FARP1: variants seen among roughly 807,000 people sequenced by gnomAD.
The protein encoded by FARP1 is FERM, ARHGEF and pleckstrin domain-containing protein 1.
In FARP1, 52 loss-of-function variants were observed where a neutral mutation model predicts 128.8. The ratio of observed to expected loss-of-function variants is 0.40; its 90% CI spans 0.32 to 0.51. FARP1 has a LOEUF of 0.51. FARP1 is among the 20% of genes least tolerant of loss of function. The pLI, the probability that FARP1 is intolerant of heterozygous loss-of-function variation, is 0.45. For synonymous variants in FARP1, 580 were observed against 551.8 expected, an observed-to-expected ratio of 1.05 and a Z score of -0.72; for missense variants, 1,333 against 1,367.9, an observed-to-expected ratio of 0.97 and a Z score of 0.40.
intron 17 of FARP1, among the ~76,000 whole-genome samples, chr13:98,424,944 T>C (rs1891726472): frequency 6.6e-6 from 1 of 151,930 alleles, no homozygotes; most frequent in South Asian, 2.1e-4. Flanking sequence ...GTGTATTTCA[T>C]GTGTGACCCA....
intron 2 of FARP1, among the ~76,000 whole-genome samples, chr13:98,279,521 G>A (rs1033030912): frequency 6.6e-6 from 1 of 152,350 alleles, no homozygotes; most frequent in East Asian, 1.9e-4. Flanking sequence ...GTAGCCACTG[G>A]AAATGTGGTT....
intron 2 of FARP1, among the ~76,000 whole-genome samples, chr13:98,256,956 T>TGG (rs1566801075): frequency 3.5e-4 from 26 of 74,918 alleles, no homozygotes; most frequent in Non-Finnish European, 5.6e-4. Flanking sequence ...TGGATATATA[T>TGG]ATATATATAT....
chr13:98,254,945 C>CTT (rs11373975), intron 2 of FARP1, among the ~76,000 whole-genome samples: 26 of 150,212 alleles, frequency 1.7e-4, no homozygotes, highest in South Asian at 4.2e-4. Flanking sequence ...GCATCTTCCT[C>CTT]TTTTTTTTTT....
intron 2 of FARP1, among the ~76,000 whole-genome samples, chr13:98,288,823 G>A (rs1306283508): frequency 6.6e-6 from 1 of 151,942 alleles, no homozygotes; most frequent in African/African-American, 2.4e-5. Context: ...TGGCCTATGT[G>A]GTGTTTAAAT....
At chr13:98,434,680 T>G (rs572340606) in intron 18 of FARP1, 1 of 152,258 alleles carries the variant, frequency 6.6e-6, no homozygotes, top group East Asian at 1.9e-4. Flanking sequence ...TGCCCACCAG[T>G]ATAGGGGAGC....
chr13:98,308,909 C>T (rs1886313609), intron 2 of FARP1, among the ~76,000 whole-genome samples: 1 of 152,024 alleles, frequency 6.6e-6, no homozygotes, highest in African/African-American at 2.4e-5. Context: ...AACTCCTGGG[C>T]TCAAGTGATT....
chr13:98,368,794 G>T (rs1166917668), intron 5 of FARP1, among the ~76,000 whole-genome samples: 5 of 151,970 alleles, frequency 3.3e-5, no homozygotes, highest in African/African-American at 7.3e-5. Context: ...GATCCAGTAG[G>T]GACACTGTAA....
intron 2 of FARP1, chr13:98,244,775 A>T (rs1304707906): frequency 6.3e-7 from 1 of 1,591,992 alleles, no homozygotes; most frequent in Non-Finnish European, 8.6e-7. Flanking sequence ...GCCAGAGTTA[A>T]ATTCAAAGGT....
chr13:98,171,434 CT>C (rs1397595446), intron 1 of FARP1, among the ~76,000 whole-genome samples: 4 of 152,346 alleles, frequency 2.6e-5, no homozygotes. Context: ...CTGAGCATCA[CT>C]TATGATACAA....
At chr13:98,379,400 G>C (rs1240694640) in intron 6 of FARP1, among the ~76,000 whole-genome samples, 1 of 151,112 alleles carries the variant, frequency 6.6e-6, no homozygotes, top group East Asian at 1.9e-4. Flanking sequence ...TAAAATGATA[G>C]TGGAGAGGGA....
chr13:98,397,657 G>C (rs1890599389), intron 13 of FARP1: 1 of 152,128 alleles, frequency 6.6e-6, no homozygotes, highest in African/African-American at 2.4e-5. Context: ...AATTAGTGAT[G>C]CCGGGACCCT....
chr13:98,285,323 T>TA (rs1885117584), intron 2 of FARP1, among the ~76,000 whole-genome samples: 1 of 152,160 alleles, frequency 6.6e-6, no homozygotes, highest in African/African-American at 2.4e-5. Flanking sequence ...ATAAAACAGA[T>TA]TAATGTGTGT....
chr13:98,275,125 G>A (rs1884575623), intron 2 of FARP1, among the ~76,000 whole-genome samples: 1 of 152,146 alleles, frequency 6.6e-6, no homozygotes, highest in Non-Finnish European at 1.5e-5. Context: ...GAGGTCTGAG[G>A]CTGTGATTTC....
At position 98,448,298 on chromosome 13, in the gene FARP1, AAG is replaced by A. The variant is rs1892989748; in HGVS notation, c.3122_3123del (p.Glu1041ValfsTer56). On this transcript the variant is annotated frameshift_variant, in exon 27 of 27. Coordinates refer to ENST00000319562, the MANE Select transcript of FARP1 (RefSeq NM_005766.4). LOFTEE classifies it high-confidence loss of function. ...TCGCGACCCCACGTGTTGAGTCACA[AAG>A]AGTCTCTTGTGTATTGATGGCCGGA... 1.2e-6 allele frequency: 2 copies of A among 1,613,796 alleles called. No individual in the cohort carries two copies. The highest frequency in any genetic ancestry group is 8.5e-7 in the Non-Finnish European group (1 of 1,179,662).
At chr13:98,220,247 T>A (rs1881337149) in intron 2 of FARP1, among the ~76,000 whole-genome samples, 1 of 152,144 alleles carries the variant, frequency 6.6e-6, no homozygotes, top group African/African-American at 2.4e-5. Context: ...CAGGACTACT[T>A]AATTTTCTTC....
At chr13:98,287,496 G>T (rs781440654) in intron 2 of FARP1, among the ~76,000 whole-genome samples, 1 of 151,434 alleles carries the variant, frequency 6.6e-6, no homozygotes, top group Non-Finnish European at 1.5e-5. Flanking sequence ...CCCAAAGTGC[G>T]GGATTACAGG....
At chr13:98,194,293 A>T (rs1879430340) in intron 1 of FARP1, among the ~76,000 whole-genome samples, 1 of 151,838 alleles carries the variant, frequency 6.6e-6, no homozygotes, top group South Asian at 2.1e-4. Flanking sequence ...ATTTTTATTT[A>T]ACTAGTAGAG....
At chr13:98,146,133 G>A (rs1875535936) in intron 1 of FARP1, among the ~76,000 whole-genome samples, 1 of 152,142 alleles carries the variant, frequency 6.6e-6, no homozygotes, top group Non-Finnish European at 1.5e-5. Context: ...AAGGATAAAA[G>A]GCTGGTTTCT....
intron 5 of FARP1, among the ~76,000 whole-genome samples, chr13:98,369,008 C>G (rs1401487324): frequency 1.3e-5 from 2 of 151,864 alleles, no homozygotes; most frequent in Non-Finnish European, 2.9e-5. Flanking sequence ...TCACTGCAAC[C>G]TCTGCCTCCC....
Sources: allele counts gnomAD v4.1 joint callset (sites outside exome capture counted in the v4.1 genomes callset), GRCh38; gene constraint gnomAD v4.1.1; transcripts MANE v1.5; gene names NCBI Gene and HGNC (gene_info 2026-07-23, HGNC 2026-07-21).